Variants in DLGAP2 observed in about 807,000 individuals in gnomAD.
The protein encoded by DLGAP2 is DLG associated protein 2.
DLGAP2 carries 26 observed loss-of-function variants against 100.3 expected under a neutral mutation model. The observed-to-expected ratio is 0.26, with a 90% CI of 0.19 to 0.36. DLGAP2 has a LOEUF of 0.36. DLGAP2 is among the 10% of genes least tolerant of loss of function. The pLI, the probability that DLGAP2 is intolerant of heterozygous loss-of-function variation, is 1.00. For synonymous variants in DLGAP2, 886 were observed against 630.1 expected (o/e 1.41, Z -6.08); for missense variants, 1,858 against 1,453.2 (o/e 1.28, Z -4.53).
chr8:1,000,492 TG>T (rs1461564424), intron 2 of DLGAP2, among the ~76,000 whole-genome samples: 15 of 150,608 alleles, frequency 1.0e-4, no homozygotes, highest in Non-Finnish European at 1.9e-4. Context: ...CAGATCCGGG[TG>T]GGGGTGGTTT....
rs972878795 is a variant in DLGAP2, at chr8:1,565,956, C to T, written c.1442+62C>T. On this transcript the variant is annotated intron_variant, in intron 6 of 14. Transcript: ENST00000637795. ...TTCCCACTGCCTGCGAGCTCCCTCT[C>T]CAAAACCACTTCACCGTGAGCTGAG... 5 of 1,426,262 alleles carry T rather than the reference C, an allele frequency of 3.5e-6. No individual in the cohort carries two copies. The African/African-American group carries it at 7.1e-5, about 20-fold the overall frequency. The allele number at this position is 1,426,262 out of a possible 1,614,324, so 88.4% of individuals were successfully genotyped here.
chr8:1,136,185 C>T (rs371824293), intron 2 of DLGAP2, among the ~76,000 whole-genome samples: 10 of 152,252 alleles, frequency 6.6e-5, no homozygotes, highest in African/African-American at 1.7e-4. Flanking sequence ...GGGCGGGACA[C>T]CTGCCTTTGA....
chr8:1,521,973 C>T lies in DLGAP2; in HGVS notation c.172+20542C>T, dbSNP rs112569509. Among the ~76,000 whole-genome samples, 1,356 of 135,686 alleles carry T rather than the reference C, an allele frequency of 1.0e-2. 43 individuals are homozygous for T. Among genetic ancestry groups the T allele is most frequent in the African/African-American group, 0.037 (1,255 of 34,340 alleles). The allele number at this position is 135,686 out of a possible 152,430, so 89.0% of individuals were successfully genotyped here. ...GGAATACTCGGCAGCTGATATGGGGCGTCTCTGGTTTGCACACTTGTTTTA... is the reference window on the plus strand; with the variant it reads ...GGAATACTCGGCAGCTGATATGGGGTGTCTCTGGTTTGCACACTTGTTTTA... On this transcript the variant is annotated intron_variant, in intron 4 of 14. Transcript: ENST00000637795.
At chr8:1,591,325 G>A (rs1226618812) in intron 6 of DLGAP2, among the ~76,000 whole-genome samples, 2 of 152,156 alleles carry the variant, frequency 1.3e-5, no homozygotes, top group East Asian at 3.9e-4. Context: ...GGCTCCATGT[G>A]GGCCAGGTGG....
At chr8:792,791 G>A (rs570101508) in intron 1 of DLGAP2, among the ~76,000 whole-genome samples, 18 of 152,142 alleles carry the variant, frequency 1.2e-4, no homozygotes, top group Non-Finnish European at 2.6e-4. Flanking sequence ...TTTTAATACT[G>A]AACCATCTTT....
At chr8:1,635,666 C>G (rs917612716) in intron 8 of DLGAP2, among the ~76,000 whole-genome samples, 1 of 152,138 alleles carries the variant, frequency 6.6e-6, no homozygotes, top group Non-Finnish European at 1.5e-5. Flanking sequence ...AAACACATTA[C>G]TTTATGCAGG....
chr8:1,089,921 G>A (rs912364649), intron 2 of DLGAP2, among the ~76,000 whole-genome samples: 2 of 152,208 alleles, frequency 1.3e-5, no homozygotes, highest in East Asian at 3.9e-4. Context: ...CAAATCCACT[G>A]CTTGGGATGA....
chr8:1,618,867 C>G (rs1260438255), intron 6 of DLGAP2, among the ~76,000 whole-genome samples: 1 of 152,128 alleles, frequency 6.6e-6, no homozygotes, highest in Non-Finnish European at 1.5e-5. Context: ...GGCACCTGTC[C>G]AGTAGACACG....
chr8:1,127,428 GC>G, intron 2 of DLGAP2, among the ~76,000 whole-genome samples: 1 of 151,700 alleles, frequency 6.6e-6, no homozygotes, highest in African/African-American at 2.4e-5. Flanking sequence ...GTGTGTGGAG[GC>G]CCCTTCGTGT....
intron 2 of DLGAP2, among the ~76,000 whole-genome samples, chr8:1,255,015 TGTGTGTGTGTCTTCTCCTGCCCAGCC>T (rs1366360694): frequency 7.8e-5 from 9 of 115,060 alleles, no homozygotes; most frequent in South Asian, 3.2e-4. Flanking sequence ...GCTTGGGCGC[TGTGTGTGTGTCTTCTCCTGCCCAGCC>T]GCTGTGTGTG....
intron 1 of DLGAP2, among the ~76,000 whole-genome samples, chr8:742,699 G>T (rs893676162): frequency 5.5e-4 from 83 of 151,950 alleles, no homozygotes; most frequent in African/African-American, 1.9e-3. Flanking sequence ...TAGAGACGGA[G>T]GTCTTGCAGT....
At position 781,605 on chromosome 8, in the gene DLGAP2, G is replaced by A. The variant is rs186373661; in HGVS notation, c.18+43780G>A. On this transcript the variant is annotated intron_variant, in intron 1 of 14. Transcript: ENST00000637795. ...TGAATGACTGCAGATTACAGGGGTG[G>A]TGGGGAGCGCTGAGCCCATTAACAC... Among the ~76,000 whole-genome samples, 18 of 152,304 alleles carry A rather than the reference G, an allele frequency of 1.2e-4. No individual in the cohort carries two copies. The East Asian group carries it at 3.3e-3, about 28-fold the overall frequency.
chr8:1,533,363 G>A (rs888350809), intron 4 of DLGAP2, among the ~76,000 whole-genome samples: 4 of 151,886 alleles, frequency 2.6e-5, no homozygotes, highest in East Asian at 1.9e-4. Context: ...AAAATTAGCC[G>A]GGCGTTGTGG....
chr8:1,588,480 T>C (rs1796192801), intron 6 of DLGAP2, among the ~76,000 whole-genome samples: 1 of 152,232 alleles, frequency 6.6e-6, no homozygotes, highest in South Asian at 2.1e-4. Context: ...CATTGTCTTC[T>C]TTGGCGTATG....
intron 3 of DLGAP2, among the ~76,000 whole-genome samples, chr8:1,334,312 A>G (rs985559886): frequency 1.3e-5 from 2 of 152,230 alleles, no homozygotes; most frequent in Non-Finnish European, 2.9e-5. Flanking sequence ...CCTTAGAGCC[A>G]TCACTGTGAC....
intron 3 of DLGAP2, among the ~76,000 whole-genome samples, chr8:1,378,492 C>T (rs1796015405): frequency 6.6e-6 from 1 of 151,978 alleles, no homozygotes; most frequent in South Asian, 2.1e-4. Flanking sequence ...ACACACCTGG[C>T]CTCACCTGTC....
chr8:1,317,012 A>C (rs865830489), intron 3 of DLGAP2, among the ~76,000 whole-genome samples: 6 of 85,216 alleles, frequency 7.0e-5, no homozygotes, highest in South Asian at 4.0e-4. Context: ...ACACTCGAGA[A>C]ACTCGGCAGC....
At chr8:949,384 C>T (rs1334296218) in intron 2 of DLGAP2, among the ~76,000 whole-genome samples, 5 of 152,180 alleles carry the variant, frequency 3.3e-5, no homozygotes, top group African/African-American at 1.2e-4. Flanking sequence ...GTGTTTAGAG[C>T]CACGGATTGG....
At chr8:1,145,856 A>C (rs1480033103) in intron 2 of DLGAP2, among the ~76,000 whole-genome samples, 1 of 146,088 alleles carries the variant, frequency 6.8e-6, no homozygotes. Flanking sequence ...GAGTGAGAAT[A>C]TGCGGTGTTT....
Sources: gnomAD v4.1 joint callset for allele counts (sites outside exome capture counted in the v4.1 genomes callset) on GRCh38, gnomAD v4.1.1 for gene constraint, MANE v1.5 for transcripts, NCBI Gene and HGNC (gene_info 2026-07-23, HGNC 2026-07-21) for gene names.